The following DGKI variants were observed in gnomAD, a reference collection of about 807,000 sequenced individuals.
DGKI encodes the protein DAG kinase iota.
Under a neutral mutation model 147.5 loss-of-function variants are expected in DGKI, and 55 were observed. The observed-to-expected ratio is 0.37, with a 90% confidence interval of 0.30 to 0.47. The LOEUF (loss-of-function observed/expected upper bound fraction) is 0.47. Among genes scored for constraint, DGKI ranks in the 20% least tolerant of loss-of-function variants. DGKI has a pLI of 1.00. For synonymous variants in DGKI, 469 were observed against 477.1 expected, an observed-to-expected ratio of 0.98 and a Z score of 0.22; for missense variants, 1,007 against 1,323.8, an observed-to-expected ratio of 0.76 and a Z score of 3.71.
chr7:137,611,483 G>A (rs1279079069), intron 8 of DGKI, among the ~76,000 whole-genome samples: 1 of 152,180 alleles, frequency 6.6e-6, no homozygotes. Context: ...CACATAGATT[G>A]TGTTAAGCAG....
At chr7:137,656,590 T>C (rs1470395015) in intron 3 of DGKI, 50 bp from the exon 4 acceptor site, 5 of 1,562,190 alleles carry the variant, frequency 3.2e-6, no homozygotes, top group South Asian at 1.1e-5. Flanking sequence ...CAGTCTGTTC[T>C]GAAGAGTTCC....
At chr7:137,567,876 T>A (rs907008123) in intron 19 of DGKI, among the ~76,000 whole-genome samples, 2 of 152,210 alleles carry the variant, frequency 1.3e-5, no homozygotes, top group Admixed American at 1.3e-4. Context: ...ATGCATATGA[T>A]GTATATATGA....
At chr7:137,696,141 A>G (rs1823772218) in intron 1 of DGKI, among the ~76,000 whole-genome samples, 1 of 152,172 alleles carries the variant, frequency 6.6e-6, no homozygotes, top group Admixed American at 6.5e-5. Flanking sequence ...AGTTCCCTGG[A>G]CACTTCTGTT....
chr7:137,599,157 ACAG>A (rs1256228778), intron 11 of DGKI, among the ~76,000 whole-genome samples: 1 of 152,222 alleles, frequency 6.6e-6, no homozygotes, highest in East Asian at 1.9e-4. Context: ...GAACCAGAGA[ACAG>A]CAGAAGTGTC....
chr7:137,571,232 T>A lies in DGKI; in HGVS notation c.1890A>T (p.Glu630Asp), dbSNP rs766748649. 22 of 1,613,094 alleles carry A rather than the reference T, an allele frequency of 1.4e-5. No homozygotes were observed. The highest frequency in any genetic ancestry group is 1.9e-5 in the Non-Finnish European group (22 of 1,179,886). Residue 630 changes from glutamate to aspartate, a missense_variant, in exon 19 of 33, where the codon GAA becomes GAT. Coordinates refer to ENST00000614521, the MANE Select transcript of DGKI (RefSeq NM_001321708.2). ...WGNPGDHHDFEPQRHDDGYIE... is the reference protein window; with the variant it reads ...WGNPGDHHDFDPQRHDDGYIE... ...TATAACCATCATCATGACGCTGAGG[T>A]TCGAAATCATGGTGATCACCTGGGT...
At chr7:137,636,698 C>G (rs182357002) in intron 6 of DGKI, among the ~76,000 whole-genome samples, 5 of 152,296 alleles carry the variant, frequency 3.3e-5, no homozygotes, top group Admixed American at 6.5e-5. Flanking sequence ...GAAATTTGAT[C>G]CCCAGTGTTG....
intron 1 of DGKI, among the ~76,000 whole-genome samples, chr7:137,792,109 G>A (rs1323011186): frequency 6.6e-6 from 1 of 152,148 alleles, no homozygotes; most frequent in Non-Finnish European, 1.5e-5. Context: ...GTTTAGCAAT[G>A]AACACAAATG....
intron 28 of DGKI, among the ~76,000 whole-genome samples, chr7:137,424,364 T>G (rs1201960735): frequency 1.3e-5 from 2 of 152,188 alleles, no homozygotes; most frequent in Admixed American, 6.5e-5. Flanking sequence ...ACCTTCATTC[T>G]TCATAGGAAT....
At chr7:137,459,636 G>A (rs925349586) in intron 27 of DGKI, among the ~76,000 whole-genome samples, 17 of 151,510 alleles carry the variant, frequency 1.1e-4, no homozygotes, top group Admixed American at 3.9e-4. Flanking sequence ...CACCACGCCC[G>A]GCTAATTTTT....
chr7:137,624,780 A>AT (rs11436209), intron 6 of DGKI, among the ~76,000 whole-genome samples: 4,395 of 150,614 alleles, frequency 0.029, 187 homozygotes, highest in African/African-American at 0.098. Flanking sequence ...AATTTTTTGT[A>AT]TTTTTTTAGT....
chr7:137,637,303 T>C (rs1176274487), intron 6 of DGKI, among the ~76,000 whole-genome samples: 1 of 152,220 alleles, frequency 6.6e-6, no homozygotes, highest in East Asian at 1.9e-4. Context: ...TGAGCTAAAA[T>C]AATGGTTTGG....
At chr7:137,537,423 A>T (rs1432039319) in intron 20 of DGKI, among the ~76,000 whole-genome samples, 1 of 151,988 alleles carries the variant, frequency 6.6e-6, no homozygotes, top group African/African-American at 2.4e-5. Context: ...TTTTAGAAGT[A>T]CTCCCCATTC....
chr7:137,465,636 C>T (rs13247935), intron 26 of DGKI, among the ~76,000 whole-genome samples: 24,673 of 152,136 alleles, frequency 0.16, 4,225 homozygotes, highest in African/African-American at 0.44. Context: ...TACAAACGTA[C>T]AAGCACAAAC....
chr7:137,764,355 T>G (rs1795945532), intron 1 of DGKI, among the ~76,000 whole-genome samples: 4 of 152,260 alleles, frequency 2.6e-5, no homozygotes, highest in Admixed American at 2.6e-4. Context: ...GAGTTCCTTT[T>G]TCTGCCCTCT....
At chr7:137,709,172 T>C (rs1027949873) in intron 1 of DGKI, among the ~76,000 whole-genome samples, 2 of 152,196 alleles carry the variant, frequency 1.3e-5, no homozygotes, top group African/African-American at 4.8e-5. Flanking sequence ...AAAGCTTCAG[T>C]GTACTTGATA....
At chr7:137,725,676 A>C (rs1794696999) in intron 1 of DGKI, among the ~76,000 whole-genome samples, 1 of 151,890 alleles carries the variant, frequency 6.6e-6, no homozygotes, top group Admixed American at 6.6e-5. Context: ...GAAAACTACA[A>C]GTGGTGGGAA....
At chr7:137,694,391 T>C (rs1373068205) in intron 1 of DGKI, among the ~76,000 whole-genome samples, 1 of 152,208 alleles carries the variant, frequency 6.6e-6, no homozygotes, top group Non-Finnish European at 1.5e-5. Flanking sequence ...TTACCCACTT[T>C]GCAAATTTCT....
intron 1 of DGKI, among the ~76,000 whole-genome samples, chr7:137,724,521 G>A (rs886150405): frequency 1.3e-5 from 2 of 152,122 alleles, no homozygotes; most frequent in African/African-American, 4.8e-5. Context: ...GGTAAGATTC[G>A]AGGTATATCT....
rs181407968 is a variant in DGKI, at chr7:137,627,168, A to C, written c.805-3614T>G. Among the ~76,000 whole-genome samples the C allele has an allele frequency of 5.4e-3, 828 of 152,264 alleles. 5 individuals are homozygous for C. The highest frequency in any genetic ancestry group is 0.018 in the African/African-American group (758 of 41,560). On this transcript the variant is annotated intron_variant, in intron 6 of 32. Coordinates refer to ENST00000614521, the MANE Select transcript of DGKI (RefSeq NM_001321708.2). ...ACCCCCATTTCATATACAGTATCTA[A>C]ATTTTGCTTCCACTAAAAAATCTAC... is the stretch of plus-strand genomic sequence containing the variant.
Sources: allele counts gnomAD v4.1 joint callset (sites outside exome capture counted in the v4.1 genomes callset), GRCh38; gene constraint gnomAD v4.1.1; transcripts MANE v1.5; gene names NCBI Gene and HGNC (gene_info 2026-07-23, HGNC 2026-07-21).